GRM8: variants seen among roughly 807,000 people sequenced by gnomAD.
The protein encoded by GRM8 is metabotropic glutamate receptor 8.
A neutral mutation model predicts 87.2 loss-of-function variants in GRM8; 47 were observed. The observed-to-expected ratio is 0.54, with a 90% CI of 0.43 to 0.69. The LOEUF is 0.69. GRM8 is among the 30% of genes least tolerant of loss of function. The pLI is 0.00. For synonymous variants in GRM8, 396 were observed against 404.5 expected, an observed-to-expected ratio of 0.98 and a Z score of 0.25; for missense variants, 1,019 against 1,139.2, an observed-to-expected ratio of 0.89 and a Z score of 1.52.
At chr7:127,231,256 A>C (rs1797670488) in intron 2 of GRM8, among the ~76,000 whole-genome samples, 1 of 152,094 alleles carries the variant, frequency 6.6e-6, no homozygotes. Context: ...GGGAAAAAAA[A>C]AAGATTTAGC....
At chr7:126,453,221 C>T (rs1802848236) in intron 9 of GRM8, among the ~76,000 whole-genome samples, 1 of 151,740 alleles carries the variant, frequency 6.6e-6, no homozygotes, top group African/African-American at 2.4e-5. Context: ...GGAAAAATCA[C>T]CGTCCTGAGT....
At chr7:126,524,445 T>C (rs1813519535) in intron 9 of GRM8, among the ~76,000 whole-genome samples, 1 of 152,168 alleles carries the variant, frequency 6.6e-6, no homozygotes, top group Non-Finnish European at 1.5e-5. Context: ...GTAGGTATCT[T>C]TTTTTCCCTT....
chr7:127,162,856 G>A (rs538831658), intron 2 of GRM8, among the ~76,000 whole-genome samples: 57 of 152,222 alleles, frequency 3.7e-4, no homozygotes, highest in African/African-American at 1.3e-3. Context: ...CTCTTGTTTT[G>A]TACCATCAAG....
At position 126,904,105 on chromosome 7, in the gene GRM8, T is replaced by G; in HGVS notation, c.885A>C (p.Lys295Asn). Residue 295 changes from lysine (K) to asparagine (N), a missense_variant, in exon 5 of 11, where the codon AAA becomes AAC. Transcript: ENST00000339582. Reference sequence around the variant, plus strand: ...GAAAATGCCCACTTTGGTTTAGTTTTTTTGCTGCTTCCAATATCCTCCTAC... The same window carrying G: ...GAAAATGCCCACTTTGGTTTAGTTTGTTTGCTGCTTCCAATATCCTCCTAC... ...DDIRRILEAA[K>N]KLNQSGHFLW... 5.0e-6 allele frequency: 8 copies of G among 1,611,300 alleles called. No individual in the cohort carries two copies. Among genetic ancestry groups the G allele is most frequent in the Non-Finnish European group, 6.8e-6 (8 of 1,178,284 alleles).
intron 2 of GRM8, among the ~76,000 whole-genome samples, chr7:127,133,336 T>C (rs1827785691): frequency 6.7e-6 from 1 of 148,964 alleles, no homozygotes; most frequent in African/African-American, 2.5e-5. Context: ...GAGAATCGCT[T>C]GAACCTGGGA....
At chr7:126,916,619 C>T (rs183092207) in intron 3 of GRM8, among the ~76,000 whole-genome samples, 32 of 152,260 alleles carry the variant, frequency 2.1e-4, no homozygotes, top group Non-Finnish European at 3.4e-4. Flanking sequence ...CAGCATTACC[C>T]GAATTCTGCA....
chr7:126,990,989 A>G (rs1812605554), intron 3 of GRM8, among the ~76,000 whole-genome samples: 1 of 152,234 alleles, frequency 6.6e-6, no homozygotes, highest in Non-Finnish European at 1.5e-5. Flanking sequence ...ACAATTTACA[A>G]TAAGAATTAA....
intron 2 of GRM8, among the ~76,000 whole-genome samples, chr7:127,142,846 C>T (rs1381265454): frequency 1.3e-5 from 2 of 151,982 alleles, no homozygotes; most frequent in Non-Finnish European, 2.9e-5. Context: ...GATAAAAATC[C>T]CTGCATTTAT....
intron 2 of GRM8, among the ~76,000 whole-genome samples, chr7:127,194,289 A>T (rs1375828397): frequency 1.3e-5 from 2 of 152,230 alleles, no homozygotes; most frequent in African/African-American, 4.8e-5. Flanking sequence ...TAGTTTCTTC[A>T]TCTGTAAAAT....
At chr7:126,712,487 C>T (rs1368310394) in intron 7 of GRM8, among the ~76,000 whole-genome samples, 2 of 152,170 alleles carry the variant, frequency 1.3e-5, no homozygotes, top group Non-Finnish European at 2.9e-5. Context: ...CACCCACCGA[C>T]TTGAAATAGA....
intron 7 of GRM8, among the ~76,000 whole-genome samples, chr7:126,718,089 T>C (rs1299955644): frequency 1.3e-5 from 2 of 151,416 alleles, no homozygotes; most frequent in African/African-American, 2.4e-5. Flanking sequence ...TACAAAAAAT[T>C]AGCAGGGCGT....
chr7:126,639,995 G>A (rs1419937736), intron 7 of GRM8, among the ~76,000 whole-genome samples: 1 of 152,118 alleles, frequency 6.6e-6, no homozygotes, highest in East Asian at 1.9e-4. Flanking sequence ...ACTCCATGTG[G>A]TTCAAATGGG....
chr7:126,590,557 C>T (rs1201116455), intron 8 of GRM8, among the ~76,000 whole-genome samples: 1 of 152,026 alleles, frequency 6.6e-6, no homozygotes, highest in African/African-American at 2.4e-5. Context: ...AGATTATCAC[C>T]TATACACATT....
intron 9 of GRM8, chr7:126,511,106 T>C (rs976965808): frequency 1.3e-5 from 2 of 152,256 alleles, no homozygotes; most frequent in South Asian, 4.1e-4. Context: ...TATGGAGATA[T>C]CTATAAGCAG....
At chr7:126,762,754 C>T (rs1001812066) in intron 7 of GRM8, among the ~76,000 whole-genome samples, 1 of 150,742 alleles carries the variant, frequency 6.6e-6, no homozygotes, top group East Asian at 1.9e-4. Context: ...TTGTTTTTTT[C>T]AATGAATTAC....
chr7:127,023,074 G>T (rs931700029), intron 3 of GRM8, among the ~76,000 whole-genome samples: 2 of 151,908 alleles, frequency 1.3e-5, no homozygotes, highest in African/African-American at 2.4e-5. Context: ...CCACTTACAG[G>T]GTGATTTTTC....
intron 7 of GRM8, among the ~76,000 whole-genome samples, chr7:126,619,136 A>T (rs1799836903): frequency 6.6e-6 from 1 of 152,262 alleles, no homozygotes; most frequent in African/African-American, 2.4e-5. Flanking sequence ...AATGTCCATC[A>T]GTGATAGACT....
chr7:126,665,549 T>C (rs557889317), intron 7 of GRM8, among the ~76,000 whole-genome samples: 1 of 151,960 alleles, frequency 6.6e-6, no homozygotes, highest in Admixed American at 6.6e-5. Flanking sequence ...GAACTAAGCA[T>C]TGGGTACACA....
intron 7 of GRM8, among the ~76,000 whole-genome samples, chr7:126,665,206 A>T (rs943795291): frequency 1.3e-5 from 2 of 152,178 alleles, no homozygotes; most frequent in Non-Finnish European, 2.9e-5. Flanking sequence ...TTTCTCAAAG[A>T]AGTTACAACA....
Sources: gnomAD v4.1 joint callset for allele counts (sites outside exome capture counted in the v4.1 genomes callset) on GRCh38, gnomAD v4.1.1 for gene constraint, MANE v1.5 for transcripts, NCBI Gene and HGNC (gene_info 2026-07-23, HGNC 2026-07-21) for gene names.